The following NUDCD3 variants were observed in gnomAD, a reference collection of about 807,000 sequenced individuals.
NUDCD3 encodes the protein NudC domain containing 3, also known as nudC domain-containing protein 3.
NUDCD3 carries 13 observed loss-of-function variants against 39.7 expected under a neutral mutation model. That is an observed-to-expected ratio of 0.33 (90% CI 0.21 to 0.52). The LOEUF is 0.52. NUDCD3 is among the 20% of genes least tolerant of loss of function. NUDCD3 has a pLI of 0.96. For missense variants in NUDCD3, 453 were observed against 458.1 expected (o/e 0.99, Z 0.10); for synonymous variants, 175 against 172.4 (o/e 1.02, Z -0.12).
At chr7:44,480,303 A>G (rs1260263625) in intron 2 of NUDCD3, among the ~76,000 whole-genome samples, 1 of 152,244 alleles carries the variant, frequency 6.6e-6, no homozygotes, top group Non-Finnish European at 1.5e-5. Flanking sequence ...ATAAAACAAA[A>G]TAAATGGTCA....
intron 3 of NUDCD3, among the ~76,000 whole-genome samples, chr7:44,405,552 CT>C (rs1798803341): frequency 6.6e-6 from 1 of 152,154 alleles, no homozygotes; most frequent in South Asian, 2.1e-4. Context: ...GTACTTAAAA[CT>C]TTTTTCTAAT....
At chr7:44,430,158 T>A (rs1799327860) in intron 2 of NUDCD3, among the ~76,000 whole-genome samples, 2 of 152,190 alleles carry the variant, frequency 1.3e-5, no homozygotes, top group Admixed American at 1.3e-4. Flanking sequence ...ATGTAGACAT[T>A]TTTATAGCCA....
At chr7:44,472,091 A>G (rs1360483934) in intron 2 of NUDCD3, 1 of 152,082 alleles carries the variant, frequency 6.6e-6, no homozygotes, top group Admixed American at 6.6e-5. Context: ...ACCAACCCCA[A>G]TCAACCCTGA....
chr7:44,407,137 A>G (rs1049096228), intron 3 of NUDCD3, among the ~76,000 whole-genome samples: 3 of 152,044 alleles, frequency 2.0e-5, no homozygotes, highest in Non-Finnish European at 4.4e-5. Flanking sequence ...CCTATGTCCT[A>G]TAAAGCAAAG....
chr7:44,412,883 C>T (rs945957575), intron 3 of NUDCD3, among the ~76,000 whole-genome samples: 17 of 146,692 alleles, frequency 1.2e-4, no homozygotes, highest in African/African-American at 4.1e-4. Context: ...GCTGAGATCA[C>T]GCCACTGCAC....
intron 2 of NUDCD3, among the ~76,000 whole-genome samples, chr7:44,482,702 T>C (rs1213168602): frequency 1.3e-5 from 2 of 152,176 alleles, no homozygotes; most frequent in Non-Finnish European, 2.9e-5. Context: ...CATCCATTAA[T>C]GTCTAGCATC....
chr7:44,425,849 G>A (rs1799223316), intron 3 of NUDCD3: 1 of 152,292 alleles, frequency 6.6e-6, no homozygotes, highest in Non-Finnish European at 1.5e-5. Flanking sequence ...CTGAGTGACA[G>A]AATGAGGTCA....
intron 2 of NUDCD3, among the ~76,000 whole-genome samples, chr7:44,447,869 C>G (rs554170025): frequency 1.1e-3 from 172 of 152,288 alleles, no homozygotes; most frequent in African/African-American, 3.9e-3. Context: ...GCACCTCTGT[C>G]TGGCCACACA....
Position 44,485,228 on chromosome 7 carries a change from T to G in NUDCD3, c.249A>C (p.Glu83Asp). The change falls in exon 2 of 6, where the codon GAA becomes GAC. Residue 83 changes from glutamate (E) to aspartate (D), a missense_variant. Physicochemically the swap from Glu to Asp is conservative, Grantham distance 45. Transcript: ENST00000355451. The stretch of plus-strand genomic sequence containing the variant: ...CCTTTCTTCTGATTTTCTCTTCAAG[T>G]TCCTGCCTTCTCTTCTCATCATCCT... ...ARQDDEKRRQ[E>D]LEEKIRRKEE... is the part of the protein sequence containing the mutation. 1 of 1,614,186 alleles carries G rather than the reference T, an allele frequency of 6.2e-7. No individual in the cohort carries two copies. The highest frequency in any genetic ancestry group is 1.3e-5 in the African/African-American group (1 of 75,060).
At chr7:44,456,097 G>C (rs545440461) in intron 2 of NUDCD3, among the ~76,000 whole-genome samples, 92 of 120,142 alleles carry the variant, frequency 7.7e-4, no homozygotes, top group South Asian at 1.3e-3. Flanking sequence ...AACAAGAAAA[G>C]AGCTTTTAGA....
intron 3 of NUDCD3, among the ~76,000 whole-genome samples, chr7:44,412,940 AAAG>A (rs1322650062): frequency 2.7e-4 from 40 of 147,346 alleles, no homozygotes; most frequent in African/African-American, 9.2e-4. Context: ...AAAAAAAAAA[AAAG>A]AAAAAAAAAA....
At chr7:44,472,082 C>T (rs868090147) in intron 2 of NUDCD3, 1 of 152,196 alleles carries the variant, frequency 6.6e-6, no homozygotes, top group Non-Finnish European at 1.5e-5. Flanking sequence ...GAAGCCGTGA[C>T]CAACCCCAAT....
intron 3 of NUDCD3, among the ~76,000 whole-genome samples, chr7:44,419,146 G>T (rs889356166): frequency 8.5e-5 from 13 of 152,282 alleles, no homozygotes; most frequent in Non-Finnish European, 1.3e-4. Flanking sequence ...CGAGCTTGGT[G>T]GGGGGAAGGG....
intron 2 of NUDCD3, among the ~76,000 whole-genome samples, chr7:44,468,757 A>C (rs931132950): frequency 6.6e-6 from 1 of 152,178 alleles, no homozygotes; most frequent in Non-Finnish European, 1.5e-5. Flanking sequence ...GGGCAGGAGA[A>C]GAATTCAAAC....
In NUDCD3 at chr7:44,467,856, G is replaced by GC. The variant is rs762557599; in HGVS notation, c.509+17111dup. On this transcript the variant is annotated intron_variant, in intron 2 of 5. Coordinates refer to ENST00000355451, the MANE Select transcript of NUDCD3 (RefSeq NM_015332.4). The stretch of plus-strand genomic sequence containing the variant: ...AGAAAAGAAAAGGCTCTCTTCCTCG[G>GC]CGCTGCCTACGGAGGTGGCAGCCAT... 4.9e-6 allele frequency: 7 copies of GC among 1,417,142 alleles called. No homozygotes were observed. In the South Asian group the frequency reaches 5.8e-5, roughly 12 times the overall value. 87.8% of individuals were successfully genotyped at this position (1,417,142 alleles called of 1,614,324 possible). A position where few individuals can be genotyped will look rare whatever the true frequency, so the allele number is the denominator to read the frequency against.
chr7:44,482,290 A>G (rs1181954719), intron 2 of NUDCD3, among the ~76,000 whole-genome samples: 1 of 152,180 alleles, frequency 6.6e-6, no homozygotes, highest in South Asian at 2.1e-4. Flanking sequence ...TAGAGCTGGG[A>G]GACGTTCAAG....
At position 44,386,005 on chromosome 7, in the gene NUDCD3, T is replaced by C. The variant is rs1798394276; in HGVS notation, c.*6A>G. ...CACCGGCGAGGGTTTCCTTTCCTTCTGGTCATTAAAACTGCACAGCCCCCG... is the reference window on the plus strand; with the variant it reads ...CACCGGCGAGGGTTTCCTTTCCTTCCGGTCATTAAAACTGCACAGCCCCCG... On this transcript the variant is annotated 3_prime_UTR_variant, in exon 6 of 6. Transcript: ENST00000355451. 2.1e-6 allele frequency: 3 copies of C among 1,404,328 alleles called. No homozygotes were observed. In the Admixed American group the frequency reaches 5.0e-5, roughly 24 times the overall value. The allele number at this position is 1,404,328 out of a possible 1,614,324, so 87.0% of individuals were successfully genotyped here. A position where few individuals can be genotyped will look rare whatever the true frequency, so the allele number is the denominator to read the frequency against.
rs182704556 is a variant in NUDCD3 at position 44,461,585 on chromosome 7, G to C, written c.509+23383C>G. 2.9e-4 allele frequency among the ~76,000 whole-genome samples: 44 copies of C among 152,168 alleles called. 1 individual carries two copies. The highest frequency in any genetic ancestry group is 1.6e-3 in the Admixed American group (25 of 15,284). Reference sequence around the variant, plus strand: ...ATGATTGAGTCAGCCGCAGACACATGGTACAATCTGACCTATACCATTGAA... The same window carrying C: ...ATGATTGAGTCAGCCGCAGACACATCGTACAATCTGACCTATACCATTGAA... On this transcript the variant is annotated intron_variant, in intron 2 of 5. Transcript: ENST00000355451.
intron 3 of NUDCD3, among the ~76,000 whole-genome samples, chr7:44,425,159 G>C (rs1001762843): frequency 6.6e-6 from 1 of 152,136 alleles, no homozygotes; most frequent in African/African-American, 2.4e-5. Flanking sequence ...GGGGGAAAGG[G>C]GAGGGAGAGC....
Sources: allele counts gnomAD v4.1 joint callset (sites outside exome capture counted in the v4.1 genomes callset), GRCh38; gene constraint gnomAD v4.1.1; transcripts MANE v1.5; gene names NCBI Gene and HGNC (gene_info 2026-07-23, HGNC 2026-07-21).